PROX1: variants seen among roughly 807,000 people sequenced by gnomAD.
PROX1 encodes prospero homeobox 1.
Under a neutral mutation model 58.8 loss-of-function variants are expected in PROX1, and 7 were observed. The ratio of observed to expected loss-of-function variants is 0.12; its 90% confidence interval spans 0.07 to 0.22. PROX1 has a LOEUF of 0.22. Among genes scored for constraint, PROX1 ranks in the 10% least tolerant of loss-of-function variants. The pLI is 1.00. For synonymous variants in PROX1, 350 were observed against 358.3 expected (o/e 0.98, Z 0.26); for missense variants, 675 against 927.8 (o/e 0.73, Z 3.54).
upstream of PROX1, chr1:213,984,875 A>G (rs1163696191): frequency 6.6e-6 from 1 of 152,304 alleles, no homozygotes; most frequent in Non-Finnish European, 1.5e-5. Context: ...ATCTGATAAC[A>G]GTTGTTTGTA....
chr1:213,985,736 C>A (rs1463772133), upstream of PROX1: 1 of 152,252 alleles, frequency 6.6e-6, no homozygotes, highest in African/African-American at 2.4e-5. Flanking sequence ...TGCATTCAAG[C>A]GCTATGTGCA....
rs541649784 is a variant in PROX1 at position 214,036,319 on chromosome 1, G to T, written c.*485G>T. 6.6e-6 allele frequency: 1 copy of T among 152,238 alleles called. No homozygotes were observed. The highest frequency in any genetic ancestry group is 2.4e-5 in the African/African-American group (1 of 41,530). 9.4% of individuals were successfully genotyped at this position (152,238 alleles called of 1,614,324 possible). The stretch of plus-strand genomic sequence containing the variant: ...CTTCATACATTTAAGTATTTTGTTT[G>T]GTTTGAACTCAATCAGTAGCTTTTC... On this transcript the variant is annotated 3_prime_UTR_variant, in exon 5 of 5. Coordinates refer to ENST00000366958, the MANE Select transcript of PROX1 (RefSeq NM_001270616.2).
Position 214,035,840 on chromosome 1 carries a change from T to C in PROX1, c.*6T>C. The C allele has an allele frequency of 6.2e-7, 1 of 1,604,794 alleles. No individual in the cohort carries two copies. Among genetic ancestry groups the C allele is most frequent in the East Asian group, 2.2e-5 (1 of 44,710 alleles). On this transcript the variant is annotated 3_prime_UTR_variant, in exon 5 of 5. Transcript: ENST00000366958. ...AAGAGCTGCTTCATGAGTAGAAATT[T>C]CAACAACTCTTTTTGAATGTATGAA...
At chr1:214,031,135 C>T (rs186219333) in intron 4 of PROX1, among the ~76,000 whole-genome samples, 1 of 152,116 alleles carries the variant, frequency 6.6e-6, no homozygotes, top group East Asian at 1.9e-4. Flanking sequence ...ACTTGAAAAC[C>T]TCCTCTCATT....
chr1:214,008,367 T>C lies in PROX1; in HGVS notation c.1833+3095T>C, dbSNP rs114703468. The stretch of plus-strand genomic sequence containing the variant: ...ACCGCGCTCAGCCCTCATATTTTAT[T>C]TAGTGATCATAAGTTCATTTTGCAA... On this transcript the variant is annotated intron_variant, in intron 3 of 4. Transcript: ENST00000366958. Among the ~76,000 whole-genome samples, 799 of 152,166 alleles carry C rather than the reference T, an allele frequency of 5.3e-3. 8 individuals carry two copies. Among genetic ancestry groups the C allele is most frequent in the African/African-American group, 0.018 (764 of 41,500 alleles).
intron 4 of PROX1, among the ~76,000 whole-genome samples, chr1:214,022,777 G>T (rs1341036041): frequency 6.6e-6 from 1 of 152,138 alleles, no homozygotes; most frequent in East Asian, 1.9e-4. Context: ...TGACTCTAGA[G>T]TAGAGGGGCA....
At chr1:213,987,887 G>A (rs1662867024), upstream of PROX1, 1 of 151,432 alleles carries the variant, frequency 6.6e-6, no homozygotes, top group Non-Finnish European at 1.5e-5. Context: ...GCTGGGGCCG[G>A]GTACGTCAGA....
chr1:214,040,602 T>C lies in PROX1; in HGVS notation c.*4768T>C, dbSNP rs1050058563. ...TTCCCTCAATATTGTCCCAGCCATT[T>C]CTCATATGTATATAGTATAAACCGT... On this transcript the variant is annotated 3_prime_UTR_variant, in exon 5 of 5. Coordinates refer to ENST00000366958, the MANE Select transcript of PROX1 (RefSeq NM_001270616.2). 7.9e-5 allele frequency: 12 copies of C among 152,190 alleles called. No homozygotes were observed. The highest frequency in any genetic ancestry group is 1.6e-4 in the Non-Finnish European group (11 of 68,008). 9.4% of individuals were successfully genotyped at this position (152,190 alleles called of 1,614,324 possible). A position where few individuals can be genotyped will look rare whatever the true frequency, so the allele number is the denominator to read the frequency against.
At chr1:214,017,723 T>C (rs921249573) in intron 4 of PROX1, among the ~76,000 whole-genome samples, 1 of 152,164 alleles carries the variant, frequency 6.6e-6, no homozygotes, top group African/African-American at 2.4e-5. Context: ...TCTCGGCGGC[T>C]GTACCCCAAC....
rs1558190662 is a variant in PROX1 at position 214,035,878 on chromosome 1, C to T, written c.*44C>T. The T allele has an allele frequency of 6.5e-7, 1 of 1,528,124 alleles. No individual in the cohort carries two copies. The highest frequency in any genetic ancestry group is 1.4e-5 in the African/African-American group (1 of 72,298). 94.7% of individuals were successfully genotyped at this position (1,528,124 alleles called of 1,614,324 possible). A position where few individuals can be genotyped will look rare whatever the true frequency, so the allele number is the denominator to read the frequency against. ...TTGAATGTATGAAGAGTAGCAGTCC[C>T]CTTTGGATGTCCAAGTTATATGTGT... is the stretch of plus-strand genomic sequence containing the variant. On this transcript the variant is annotated 3_prime_UTR_variant, in exon 5 of 5. Transcript: ENST00000366958.
chr1:214,038,888 A>G lies in PROX1; in HGVS notation c.*3054A>G, dbSNP rs1010879199. On this transcript the variant is annotated 3_prime_UTR_variant, in exon 5 of 5. Transcript: ENST00000366958. ...AGAAGAGAATTTTTAGAACAGTTTG[A>G]TACCGCAAATTATTTTTTCCTCAAT... 2 of 152,204 alleles carry G rather than the reference A, an allele frequency of 1.3e-5. No individual in the cohort carries two copies. The highest frequency in any genetic ancestry group is 1.3e-4 in the Admixed American group (2 of 15,274). 9.4% of individuals were successfully genotyped at this position (152,204 alleles called of 1,614,324 possible).
rs1364736947 is a variant in PROX1 at position 214,041,380 on chromosome 1, T to G, written c.*5546T>G. ...GATTTTCTTTCACTACAATTCTTCA[T>G]TCTGTTAGCCTAACGTGCAGCTCCT... On this transcript the variant is annotated 3_prime_UTR_variant, in exon 5 of 5. Transcript: ENST00000366958. 1.3e-5 allele frequency: 2 copies of G among 152,126 alleles called. No individual in the cohort carries two copies. Among genetic ancestry groups the G allele is most frequent in the Non-Finnish European group, 2.9e-5 (2 of 67,988 alleles). The allele number at this position is 152,126 out of a possible 1,614,324, so 9.4% of individuals were successfully genotyped here. A position where few individuals can be genotyped will look rare whatever the true frequency, so the allele number is the denominator to read the frequency against.
chr1:214,009,580 G>A (rs546778727), intron 3 of PROX1, among the ~76,000 whole-genome samples: 30 of 152,218 alleles, frequency 2.0e-4, no homozygotes, highest in Admixed American at 4.6e-4. Context: ...CCTCATGTTT[G>A]GGGAGTCTGT....
At chr1:214,000,234 T>C (rs780285018) in intron 2 of PROX1, among the ~76,000 whole-genome samples, 1 of 152,250 alleles carries the variant, frequency 6.6e-6, no homozygotes, top group Admixed American at 6.5e-5. Context: ...CAGATCATTA[T>C]AATTATGGCT....
intron 2 of PROX1, among the ~76,000 whole-genome samples, chr1:213,999,766 G>T (rs1663425015): frequency 6.6e-6 from 1 of 152,194 alleles, no homozygotes; most frequent in African/African-American, 2.4e-5. Context: ...CACCAGCCAT[G>T]AATCAAAGCT....
upstream of PROX1, among the ~76,000 whole-genome samples, chr1:213,986,689 A>T (rs1662833247): frequency 6.6e-6 from 1 of 152,190 alleles, no homozygotes; most frequent in Non-Finnish European, 1.5e-5. Context: ...TGTCTAATAG[A>T]CTATGTATGA....
In PROX1 at chr1:214,041,090, G is replaced by A. The variant is rs1664995249; in HGVS notation, c.*5256G>A. 1 of 151,992 alleles carries A rather than the reference G, an allele frequency of 6.6e-6. No individual in the cohort carries two copies. The highest frequency in any genetic ancestry group is 2.4e-5 in the African/African-American group (1 of 41,434). The allele number at this position is 151,992 out of a possible 1,614,324, so 9.4% of individuals were successfully genotyped here. On this transcript the variant is annotated 3_prime_UTR_variant, in exon 5 of 5. Coordinates refer to ENST00000366958, the MANE Select transcript of PROX1 (RefSeq NM_001270616.2). ...GTGGGAAAGGGGTTTTACTTTGTGT[G>A]TTTTAAGCTTTTGTATACTCTCCAA...
chr1:214,008,971 T>G (rs769734831), intron 3 of PROX1, among the ~76,000 whole-genome samples: 9 of 152,224 alleles, frequency 5.9e-5, no homozygotes, highest in Non-Finnish European at 1.3e-4. Flanking sequence ...ACCAGCTCCC[T>G]GTTCACTACT....
rs553380743 is a variant in PROX1 at position 214,005,073 on chromosome 1, C to A, written c.1726-92C>A. The A allele has an allele frequency of 5.1e-5, 49 of 963,464 alleles. No individual in the cohort carries two copies. In the African/African-American group the frequency reaches 7.5e-4, roughly 15 times the overall value. The allele number at this position is 963,464 out of a possible 1,614,324, so 59.7% of individuals were successfully genotyped here. A position where few individuals can be genotyped will look rare whatever the true frequency, so the allele number is the denominator to read the frequency against. On this transcript the variant is annotated intron_variant, in intron 2 of 4. Coordinates refer to ENST00000366958, the MANE Select transcript of PROX1 (RefSeq NM_001270616.2). ...AGCACTCCCACCGCAGCTTGATGGACCCCCAGACTCTATGGAGGTGGGGAC... is the reference window on the plus strand; with the variant it reads ...AGCACTCCCACCGCAGCTTGATGGAACCCCAGACTCTATGGAGGTGGGGAC...
Sources: gnomAD v4.1 joint callset for allele counts (sites outside exome capture counted in the v4.1 genomes callset) on GRCh38, gnomAD v4.1.1 for gene constraint, MANE v1.5 for transcripts, NCBI Gene and HGNC (gene_info 2026-07-23, HGNC 2026-07-21) for gene names.